AKAP10: variants seen among roughly 807,000 people sequenced by gnomAD.
The protein encoded by AKAP10 is A-kinase anchor protein 10, mitochondrial.
AKAP10 carries 24 observed loss-of-function variants against 80.8 expected under a neutral mutation model. The observed-to-expected ratio is 0.30, with a 90% CI of 0.22 to 0.42. The LOEUF (loss-of-function observed/expected upper bound fraction) is 0.42. Ranked by LOEUF, AKAP10 falls within the 10% of genes least tolerant of loss-of-function variation. The pLI is 1.00. For missense variants in AKAP10, 661 were observed against 794.9 expected (o/e 0.83, Z 2.03); for synonymous variants, 291 against 277.7 (o/e 1.05, Z -0.48).
chr17:19,919,575 T>G (rs1465249002), intron 12 of AKAP10, among the ~76,000 whole-genome samples: 1 of 151,534 alleles, frequency 6.6e-6, no homozygotes, highest in Non-Finnish European at 1.5e-5. Context: ...TCCCAGCTAC[T>G]CAGGAGGATG....
intron 1 of AKAP10, among the ~76,000 whole-genome samples, chr17:19,976,427 G>A (rs2043567688): frequency 6.6e-6 from 1 of 151,620 alleles, no homozygotes; most frequent in Admixed American, 6.6e-5. Context: ...GTTGCAGTGA[G>A]CCGAGACTGA....
chr17:19,939,952 A>C (rs1007703407), intron 7 of AKAP10, 103 bp from the exon 8 acceptor site: 1 of 1,267,884 alleles, frequency 7.9e-7, no homozygotes, highest in African/African-American at 1.5e-5. Flanking sequence ...CATAAGCAAA[A>C]AACAAAAAGA....
At position 19,968,476 on chromosome 17, in the gene AKAP10, G is replaced by A; in HGVS notation, c.89-15C>T. 6.2e-7 allele frequency: 1 copy of A among 1,611,366 alleles called. No homozygotes were observed. Among genetic ancestry groups the A allele is most frequent in the Non-Finnish European group, 8.5e-7 (1 of 1,178,020 alleles). ...TTTGCCTTTCACTAGAACATAAAAA[G>A]ATAATTATGACCAACTTTTGCAGTC... On this transcript the variant is annotated splice_polypyrimidine_tract_variant and intron_variant, in intron 1 of 14. Coordinates refer to ENST00000225737, the MANE Select transcript of AKAP10 (RefSeq NM_007202.4).
At chr17:19,916,059 T>C (rs2042739125) in intron 12 of AKAP10, among the ~76,000 whole-genome samples, 1 of 152,202 alleles carries the variant, frequency 6.6e-6, no homozygotes, top group Non-Finnish European at 1.5e-5. Flanking sequence ...TCCTTGATCA[T>C]GCTGAGCTCT....
chr17:19,963,388 AT>A (rs973659058), intron 2 of AKAP10, among the ~76,000 whole-genome samples: 31 of 151,862 alleles, frequency 2.0e-4, no homozygotes, highest in African/African-American at 6.8e-4. Flanking sequence ...GCCAGAAAAC[AT>A]TCTAATATTA....
intron 14 of AKAP10, among the ~76,000 whole-genome samples, chr17:19,907,927 G>A (rs1306524704): frequency 6.6e-6 from 1 of 151,172 alleles, no homozygotes; most frequent in East Asian, 1.9e-4. Context: ...GCAGTGGTGC[G>A]ATCTCGGCTC....
At chr17:19,943,008 C>T (rs551875669) in intron 5 of AKAP10, among the ~76,000 whole-genome samples, 22 of 152,174 alleles carry the variant, frequency 1.4e-4, no homozygotes, top group South Asian at 8.3e-4. Flanking sequence ...CAGTGATCCT[C>T]AGCCTTCTGA....
chr17:19,930,812 G>A (rs989940423), intron 10 of AKAP10, among the ~76,000 whole-genome samples: 3 of 152,142 alleles, frequency 2.0e-5, no homozygotes, highest in African/African-American at 7.2e-5. Flanking sequence ...CCTGGTTGAA[G>A]CCATTCTCCT....
At chr17:19,931,767 T>C (rs764468681) in intron 10 of AKAP10, 38 bp downstream of exon 10, 6 of 1,577,960 alleles carry the variant, frequency 3.8e-6, no homozygotes, top group Admixed American at 1.9e-5. Flanking sequence ...AGGATGTGTA[T>C]GCTTTTCTCC....
rs2152420615 is a variant in AKAP10 at position 19,977,670 on chromosome 17, C to A, written c.10G>T (p.Ala4Ser). 8.1e-7 allele frequency: 1 copy of A among 1,235,366 alleles called. No homozygotes were observed. Among genetic ancestry groups the A allele is most frequent in the Non-Finnish European group, 1.0e-6 (1 of 987,626 alleles). 76.5% of individuals were successfully genotyped at this position (1,235,366 alleles called of 1,614,324 possible). A position where few individuals can be genotyped will look rare whatever the true frequency, so the allele number is the denominator to read the frequency against. MRG[A>S]GPSPRQSPRT... ...GGGGACTGGCGCGGGGAGGGCCCGGCTCCCCTCATTCAGCAACCGGCCCGG... is the reference window on the plus strand; with the variant it reads ...GGGGACTGGCGCGGGGAGGGCCCGGATCCCCTCATTCAGCAACCGGCCCGG... Residue 4 changes from alanine to serine, a missense_variant, in exon 1 of 15, where the codon GCC becomes TCC. Coordinates refer to ENST00000225737, the MANE Select transcript of AKAP10 (RefSeq NM_007202.4).
intron 12 of AKAP10, 74 bp from the exon 13 acceptor site, chr17:19,910,052 C>T (rs1427316590): frequency 1.4e-6 from 2 of 1,463,020 alleles, no homozygotes; most frequent in South Asian, 1.2e-5. Context: ...ATTTGGCTGG[C>T]CATGGTGGTT....
intron 14 of AKAP10, 143 bp from the exon 15 acceptor site, chr17:19,906,375 G>T: frequency 1.2e-6 from 1 of 864,236 alleles, no homozygotes; most frequent in Non-Finnish European, 1.8e-6. Flanking sequence ...ACAATTTTGT[G>T]AGGTAAAATA....
At chr17:19,950,982 G>A (rs1203006024) in intron 4 of AKAP10, among the ~76,000 whole-genome samples, 5 of 145,340 alleles carry the variant, frequency 3.4e-5, no homozygotes, top group Admixed American at 6.8e-5. Flanking sequence ...GAACTGAGGA[G>A]TGTCTCTGCC....
At chr17:19,959,521 A>T (rs2043323839) in intron 3 of AKAP10, among the ~76,000 whole-genome samples, 1 of 152,238 alleles carries the variant, frequency 6.6e-6, no homozygotes, top group Non-Finnish European at 1.5e-5. Flanking sequence ...TTATGAACTC[A>T]GCATTATTCA....
chr17:19,936,505 G>C (rs2152413772), intron 8 of AKAP10, 75 bp from the exon 9 acceptor site: 1 of 1,408,888 alleles, frequency 7.1e-7, no homozygotes, highest in Middle Eastern at 2.2e-4. Context: ...CTCCTCCAGA[G>C]AATCTTATAC....
chr17:19,969,713 T>G (rs953034399), intron 1 of AKAP10, among the ~76,000 whole-genome samples: 1 of 152,158 alleles, frequency 6.6e-6, no homozygotes, highest in Non-Finnish European at 1.5e-5. Context: ...AACTGTTGAG[T>G]GCTTGGTATG....
chr17:19,946,267 ATATATATATTTTTTTTTT>A (rs2043125910), intron 5 of AKAP10, among the ~76,000 whole-genome samples: 5 of 27,064 alleles, frequency 1.8e-4, no homozygotes, highest in South Asian at 1.3e-3. Context: ...ATATATATAT[ATATATATATTTTTTTTTT>A]TTTTTTTTTT....
At chr17:19,967,249 C>T (rs573331337) in intron 2 of AKAP10, among the ~76,000 whole-genome samples, 1 of 152,286 alleles carries the variant, frequency 6.6e-6, no homozygotes, top group South Asian at 2.1e-4. Context: ...AATACAGCAT[C>T]TTTAAAAAGC....
intron 5 of AKAP10, among the ~76,000 whole-genome samples, chr17:19,944,574 G>C (rs773726724): frequency 8.5e-5 from 13 of 152,166 alleles, no homozygotes; most frequent in Non-Finnish European, 1.5e-4. Flanking sequence ...GGAATCGCTT[G>C]AACCCAGGAG....
Sources: gnomAD v4.1 joint callset for allele counts (sites outside exome capture counted in the v4.1 genomes callset) on GRCh38, gnomAD v4.1.1 for gene constraint, MANE v1.5 for transcripts, NCBI Gene and HGNC (gene_info 2026-07-23, HGNC 2026-07-21) for gene names.